STX11: variants seen among roughly 807,000 people sequenced by gnomAD.
STX11 encodes the protein syntaxin-11.
STX11 carries 21 observed loss-of-function variants against 19.9 expected under a neutral mutation model. The observed-to-expected ratio is 1.06, with a 90% CI of 0.75 to 1.52. STX11 has a LOEUF of 1.52. Among genes scored for constraint, STX11 ranks in the 40% most tolerant of loss-of-function variants. The pLI is 0.00. For missense variants in STX11, 438 were observed against 405.9 expected (o/e 1.08, Z -0.68); for synonymous variants, 193 against 174.4 (o/e 1.11, Z -0.84).
rs1310860805 is a variant in STX11, at chr6:144,153,739, T to C, written c.-6+3036T>C. ...CTGAATCGGGCAGTGACAATGCAGA[T>C]GGGAAAAGAGGGAAGGGGCTGGTAG... On this transcript the variant is annotated intron_variant, in intron 1 of 1. Coordinates refer to ENST00000367568, the MANE Select transcript of STX11 (RefSeq NM_003764.4). This position sits in a 1 kb window ranked among gnomAD's most constrained non-coding sequence, Gnocchi z 5.0. Among the ~76,000 whole-genome samples, 1 of 151,986 alleles carries C rather than the reference T, an allele frequency of 6.6e-6. No individual in the cohort carries two copies. Among genetic ancestry groups the C allele is most frequent in the Non-Finnish European group, 1.5e-5 (1 of 67,980 alleles).
the STX11 span, among the ~76,000 whole-genome samples, chr6:144,143,076 T>C: frequency 6.6e-6 from 1 of 152,210 alleles, no homozygotes. Flanking sequence ...CTCATTTATA[T>C]GTTTCCATCA....
chr6:144,179,842 A>T (rs1801863735), intron 1 of STX11, among the ~76,000 whole-genome samples: 1 of 152,222 alleles, frequency 6.6e-6, no homozygotes, highest in South Asian at 2.1e-4. Flanking sequence ...ATATGTTTAC[A>T]ATTGGTATAA....
the STX11 span, among the ~76,000 whole-genome samples, chr6:144,143,523 C>G: frequency 6.6e-3 from 998 of 152,158 alleles, 13 homozygotes; most frequent in African/African-American, 0.02. Context: ...GAGAGAGAGA[C>G]GTGTAGAGAA....
Position 144,176,405 on chromosome 6 carries a change from T to C in STX11, c.-5-10218T>C, listed in dbSNP as rs1801778872. Among the ~76,000 whole-genome samples the C allele has an allele frequency of 1.3e-5, 2 of 152,188 alleles. No individual in the cohort carries two copies. The highest frequency in any genetic ancestry group is 6.5e-5 in the Admixed American group (1 of 15,278). ...TGATGTTACCCTCCTCCCAAGGTTA[T>C]TGTGAGGATTGTGGTGGATTTTATA... On this transcript the variant is annotated intron_variant, in intron 1 of 1. Transcript: ENST00000367568. The surrounding 1 kb of genome is among the most constrained non-coding windows in gnomAD (Gnocchi z 4.1).
chr6:144,164,477 C>T (rs150735328), intron 1 of STX11, among the ~76,000 whole-genome samples: 2 of 152,238 alleles, frequency 1.3e-5, no homozygotes, highest in East Asian at 3.9e-4. Context: ...TTACATTATT[C>T]TTTAGCTACA....
Position 144,159,935 on chromosome 6 carries a change from A to G in STX11, c.-6+9232A>G, listed in dbSNP as rs1801290764. Among the ~76,000 whole-genome samples, 1 of 151,908 alleles carries G rather than the reference A, an allele frequency of 6.6e-6. No individual in the cohort carries two copies. Among genetic ancestry groups the G allele is most frequent in the Non-Finnish European group, 1.5e-5 (1 of 67,984 alleles). Reference sequence around the variant, plus strand: ...AAGAGGCCACAACCCCAGTGTTGCAATTTGCAACCTCCACCCAGCTTGGTG... The same window carrying G: ...AAGAGGCCACAACCCCAGTGTTGCAGTTTGCAACCTCCACCCAGCTTGGTG... On this transcript the variant is annotated intron_variant, in intron 1 of 1. Transcript: ENST00000367568. The surrounding 1 kb of genome is among the most constrained non-coding windows in gnomAD (Gnocchi z 4.3).
chr6:144,180,750 G>A lies in STX11; in HGVS notation c.-5-5873G>A, dbSNP rs1276155205. ...CTCCACTCTTTGGTCTGCTGAGGTAGGTGGAAACCTGCTTTCTGAATTGTT... is the reference window on the plus strand; with the variant it reads ...CTCCACTCTTTGGTCTGCTGAGGTAAGTGGAAACCTGCTTTCTGAATTGTT... On this transcript the variant is annotated intron_variant, in intron 1 of 1. Coordinates refer to ENST00000367568, the MANE Select transcript of STX11 (RefSeq NM_003764.4). This position sits in a 1 kb window ranked among gnomAD's most constrained non-coding sequence, Gnocchi z 5.3. Among the ~76,000 whole-genome samples the A allele has an allele frequency of 6.6e-6, 1 of 152,156 alleles. No homozygotes were observed.
chr6:144,161,472 A>G (rs1318690604), intron 1 of STX11, among the ~76,000 whole-genome samples: 1 of 152,056 alleles, frequency 6.6e-6, no homozygotes, highest in Non-Finnish European at 1.5e-5. Flanking sequence ...GGTTCAAGCA[A>G]TTCTCATGCC....
At chr6:144,156,672 T>G (rs1801177589) in intron 1 of STX11, among the ~76,000 whole-genome samples, 1 of 152,200 alleles carries the variant, frequency 6.6e-6, no homozygotes, top group Admixed American at 6.5e-5. Context: ...TATTATGTTC[T>G]TTGTTATGTT....
Position 144,155,634 on chromosome 6 carries a change from A to T in STX11, c.-6+4931A>T, listed in dbSNP as rs1446880741. ...CATATCGGTTTGTCTTGGCTGTTCA[A>T]TTCAACTGTGGTTTCCCTGAGAGAA... On this transcript the variant is annotated intron_variant, in intron 1 of 1. Transcript: ENST00000367568. This position sits in a 1 kb window ranked among gnomAD's most constrained non-coding sequence, Gnocchi z 4.5. Among the ~76,000 whole-genome samples, 1 of 152,198 alleles carries T rather than the reference A, an allele frequency of 6.6e-6. No homozygotes were observed. Among genetic ancestry groups the T allele is most frequent in the Non-Finnish European group, 1.5e-5 (1 of 68,038 alleles).
At position 144,162,064 on chromosome 6, in the gene STX11, C is replaced by G. The variant is rs188808827; in HGVS notation, c.-6+11361C>G. ...CCTCTTTTCAGTTGGCTACCTCTACCGCACTCTAGATTCTCTTTTACCCTG... is the reference window on the plus strand; with the variant it reads ...CCTCTTTTCAGTTGGCTACCTCTACGGCACTCTAGATTCTCTTTTACCCTG... On this transcript the variant is annotated intron_variant, in intron 1 of 1. Coordinates refer to ENST00000367568, the MANE Select transcript of STX11 (RefSeq NM_003764.4). The surrounding 1 kb of genome is among the most constrained non-coding windows in gnomAD (Gnocchi z 4.6). Among the ~76,000 whole-genome samples the G allele has an allele frequency of 6.6e-5, 10 of 152,238 alleles. No individual in the cohort carries two copies. In the East Asian group the frequency reaches 1.7e-3, roughly 26 times the overall value.
At position 144,150,710 on chromosome 6, in the gene STX11, TTTTCTCTTCCTGAGCCCCCA is replaced by T. The variant is rs1190806578; in HGVS notation, c.-6+21_-6+40del. The T allele has an allele frequency of 4.8e-5, 47 of 984,870 alleles. No homozygotes were observed. The highest frequency in any genetic ancestry group is 6.2e-5 in the Admixed American group (1 of 16,248). 61.0% of individuals were successfully genotyped at this position (984,870 alleles called of 1,614,324 possible). ...ACTCTCGCTCCCAGTCCAGGTTTGT[TTTTCTCTTCCTGAGCCCCCA>T]TTTCTCTTCCTGACTATTTTCCCCG... On this transcript the variant is annotated splice_region_variant and intron_variant, in intron 1 of 1. Coordinates refer to ENST00000367568, the MANE Select transcript of STX11 (RefSeq NM_003764.4).
At chr6:144,181,762 C>T (rs769641227) in intron 1 of STX11, among the ~76,000 whole-genome samples, 4 of 152,172 alleles carry the variant, frequency 2.6e-5, no homozygotes, top group Non-Finnish European at 5.9e-5. Flanking sequence ...GATTCTGTCA[C>T]CTCTTGCAGA....
intron 1 of STX11, 37 bp downstream of exon 1, chr6:144,150,740 C>T: frequency 1.1e-6 from 1 of 883,670 alleles, no homozygotes; most frequent in Non-Finnish European, 1.3e-6. Flanking sequence ...ATTTCTCTTC[C>T]TGACTATTTT....
In STX11 at chr6:144,177,507, G is replaced by A. The variant is rs1349179633; in HGVS notation, c.-5-9116G>A. 6.6e-6 allele frequency among the ~76,000 whole-genome samples: 1 copy of A among 152,226 alleles called. No homozygotes were observed. Among genetic ancestry groups the A allele is most frequent in the Non-Finnish European group, 1.5e-5 (1 of 68,046 alleles). ...CTCACGCCTGTAATCCCAGCACTTTGGGAGGCTGAGGCAGGCGGATCACAA... is the reference window on the plus strand; with the variant it reads ...CTCACGCCTGTAATCCCAGCACTTTAGGAGGCTGAGGCAGGCGGATCACAA... On this transcript the variant is annotated intron_variant, in intron 1 of 1. Transcript: ENST00000367568. The surrounding 1 kb of genome is among the most constrained non-coding windows in gnomAD (Gnocchi z 4.4).
chr6:144,164,373 A>G (rs567544701), intron 1 of STX11, among the ~76,000 whole-genome samples: 25 of 152,366 alleles, frequency 1.6e-4, no homozygotes, highest in Admixed American at 9.8e-4. Flanking sequence ...CATAAGTAAA[A>G]GTGAAAGTTA....
chr6:144,149,760 G>A (rs1800944789), upstream of STX11, among the ~76,000 whole-genome samples: 1 of 152,214 alleles, frequency 6.6e-6, no homozygotes, highest in African/African-American at 2.4e-5. This position sits in a 1 kb window ranked among gnomAD's most constrained non-coding sequence, Gnocchi z 5.1. Flanking sequence ...ACGCGCGTGA[G>A]CCACCGCGCC....
In STX11 at chr6:144,177,772, C is replaced by T. The variant is rs544581926; in HGVS notation, c.-5-8851C>T. ...CTCAAAAAAAAGAAGAAAGAAAGCT[C>T]ATCTACTGTCCTTTCCTGCTGTGGC... On this transcript the variant is annotated intron_variant, in intron 1 of 1. Transcript: ENST00000367568. The surrounding 1 kb of genome is among the most constrained non-coding windows in gnomAD (Gnocchi z 4.4). 1.3e-3 allele frequency among the ~76,000 whole-genome samples: 191 copies of T among 152,276 alleles called. No individual in the cohort carries two copies. Among genetic ancestry groups the T allele is most frequent in the Non-Finnish European group, 1.6e-3 (106 of 68,008 alleles).
At chr6:144,168,578 G>A (rs1428931613) in intron 1 of STX11, among the ~76,000 whole-genome samples, 2 of 152,112 alleles carry the variant, frequency 1.3e-5, no homozygotes, top group Non-Finnish European at 2.9e-5. Context: ...CATATGTAAG[G>A]AGGTCATACA....
Sources: gnomAD v4.1 joint callset for allele counts (sites outside exome capture counted in the v4.1 genomes callset) on GRCh38, gnomAD v4.1.1 for gene constraint, Gnocchi (gnomAD v3.1) non-coding constraint, MANE v1.5 for transcripts, NCBI Gene and HGNC (gene_info 2026-07-23, HGNC 2026-07-21) for gene names.